The following NSG1 variants were observed in gnomAD, a reference collection of about 807,000 sequenced individuals.
The protein encoded by NSG1 is neuronal vesicle trafficking associated 1.
In NSG1, 9 loss-of-function variants were observed where a neutral mutation model predicts 19.3. That is an observed-to-expected ratio of 0.47 (90% CI 0.28 to 0.81). The LOEUF is 0.81. Among genes scored for constraint, NSG1 ranks in the 40% least tolerant of loss-of-function variants. The pLI, the probability that NSG1 is intolerant of heterozygous loss-of-function variation, is 0.11. For synonymous variants in NSG1, 104 were observed against 107.0 expected (o/e 0.97, Z 0.17); for missense variants, 236 against 242.4 (o/e 0.97, Z 0.18).
At chr4:4,390,743 G>A (rs1722948074) in intron 2 of NSG1, among the ~76,000 whole-genome samples, 1 of 152,232 alleles carries the variant, frequency 6.6e-6, no homozygotes, top group Non-Finnish European at 1.5e-5. Context: ...GAGTGATGAA[G>A]GCAGCGCCGC....
intron 3 of NSG1, among the ~76,000 whole-genome samples, chr4:4,401,502 C>T (rs1723545527): frequency 6.6e-6 from 1 of 152,158 alleles, no homozygotes; most frequent in African/African-American, 2.4e-5. Flanking sequence ...CTGCTGGACT[C>T]CCATTTCCCT....
intron 4 of NSG1, among the ~76,000 whole-genome samples, chr4:4,416,910 T>C (rs75167078): frequency 3.9e-5 from 6 of 152,328 alleles, no homozygotes; most frequent in African/African-American, 1.4e-4. Flanking sequence ...ATTTCATAAG[T>C]TGTTGTTTTC....
intron 3 of NSG1, among the ~76,000 whole-genome samples, chr4:4,406,467 C>T (rs933634720): frequency 1.3e-5 from 2 of 152,144 alleles, no homozygotes; most frequent in African/African-American, 4.8e-5. Context: ...TCTGGACCAC[C>T]CTGAGTGAGG....
chr4:4,410,227 GCT>G (rs927414721), intron 4 of NSG1, among the ~76,000 whole-genome samples: 5 of 152,330 alleles, frequency 3.3e-5, no homozygotes, highest in Admixed American at 2.6e-4. Context: ...CTGGTGCTGG[GCT>G]CTCTACAGGC....
chr4:4,400,793 C>T (rs1200176488), intron 3 of NSG1, among the ~76,000 whole-genome samples: 1 of 152,176 alleles, frequency 6.6e-6, no homozygotes, highest in Non-Finnish European at 1.5e-5. Context: ...GTGTTTATTG[C>T]TCATGGTTCC....
At chr4:4,388,181 G>T (rs547784490) in intron 2 of NSG1, among the ~76,000 whole-genome samples, 1 of 152,348 alleles carries the variant, frequency 6.6e-6, no homozygotes, top group East Asian at 1.9e-4. Context: ...GCCCCACCGA[G>T]GCGGGGGAGC....
intron 3 of NSG1, among the ~76,000 whole-genome samples, chr4:4,403,472 TTC>T (rs763942167): frequency 4.6e-5 from 7 of 152,208 alleles, no homozygotes; most frequent in Non-Finnish European, 1.0e-4. Context: ...CTCTGCTCTT[TTC>T]TCTGTCTTCA....
chr4:4,415,928 T>C, intron 4 of NSG1: 1 of 598,740 alleles, frequency 1.7e-6, no homozygotes. Flanking sequence ...GCTGCTGGTC[T>C]GAATGGGCTG....
At chr4:4,393,457 AC>A (rs1723097110) in intron 3 of NSG1, among the ~76,000 whole-genome samples, 1 of 152,298 alleles carries the variant, frequency 6.6e-6, no homozygotes, top group East Asian at 1.9e-4. Context: ...GTTGCCCAGA[AC>A]CTGAAGGCTC....
Position 4,418,557 on chromosome 4 carries a change from G to C in NSG1, c.*1122G>C, listed in dbSNP as rs1421755317. 3.3e-5 allele frequency: 5 copies of C among 149,658 alleles called. No homozygotes were observed. The highest frequency in any genetic ancestry group is 6.0e-5 in the Non-Finnish European group (4 of 66,286). The allele number at this position is 149,658 out of a possible 1,614,324, so 9.3% of individuals were successfully genotyped here. A position where few individuals can be genotyped will look rare whatever the true frequency, so the allele number is the denominator to read the frequency against. On this transcript the variant is annotated 3_prime_UTR_variant, in exon 5 of 5. Transcript: ENST00000621129. ...TTTATGTTTACAAAACTGCCAGTTA[G>C]ATGAACTAAGTGTGTAAAACAAATA...
rs1389798289 is a variant in NSG1, at chr4:4,417,153, G to A, written c.358-82G>A. ...CCTCCAAGCTCAGGGAAGGTGCTCA[G>A]TAACTGTTGGCTGCCAACTGGAGAC... On this transcript the variant is annotated intron_variant, in intron 4 of 4. Coordinates refer to ENST00000621129, the MANE Select transcript of NSG1 (RefSeq NM_014392.5). The A allele has an allele frequency of 3.4e-6, 4 of 1,189,726 alleles. No homozygotes were observed. The East Asian group carries it at 7.0e-5, about 21-fold the overall frequency. The allele number at this position is 1,189,726 out of a possible 1,614,324, so 73.7% of individuals were successfully genotyped here. A position where few individuals can be genotyped will look rare whatever the true frequency, so the allele number is the denominator to read the frequency against.
At chr4:4,394,975 G>T (rs1723178438) in intron 3 of NSG1, among the ~76,000 whole-genome samples, 1 of 152,266 alleles carries the variant, frequency 6.6e-6, no homozygotes, top group Admixed American at 6.5e-5. Context: ...GAGTGGCAGA[G>T]GCAGAGTAGG....
chr4:4,417,519 T>C lies in NSG1; in HGVS notation c.*84T>C. 1 of 1,297,034 alleles carries C rather than the reference T, an allele frequency of 7.7e-7. No individual in the cohort carries two copies. The highest frequency in any genetic ancestry group is 1.1e-6 in the Non-Finnish European group (1 of 907,904). The allele number at this position is 1,297,034 out of a possible 1,614,324, so 80.3% of individuals were successfully genotyped here. A position where few individuals can be genotyped will look rare whatever the true frequency, so the allele number is the denominator to read the frequency against. ...ACATTTCATTAAATATAATTACTGA[T>C]ACTTTAGAGGTTACTCATTTACGGT... On this transcript the variant is annotated 3_prime_UTR_variant, in exon 5 of 5. Coordinates refer to ENST00000621129, the MANE Select transcript of NSG1 (RefSeq NM_014392.5).
rs1560147744 is a variant in NSG1, at chr4:4,411,781, A to ACACAACACAACACAACACAAC, written c.357+2098_357+2099insCACAACACAACACAACACAAC. On this transcript the variant is annotated intron_variant, in intron 4 of 4. Coordinates refer to ENST00000621129, the MANE Select transcript of NSG1 (RefSeq NM_014392.5). ...AACAAAACAAAACAAAACAAAACAA[A>ACACAACACAACACAACACAAC]ACAAAACAAAACATTGCCTTCTTCC... 4.6e-4 allele frequency among the ~76,000 whole-genome samples: 59 copies of ACACAACACAACACAACACAAC among 129,024 alleles called. 2 individuals are homozygous for ACACAACACAACACAACACAAC. The highest frequency in any genetic ancestry group is 1.8e-3 in the African/African-American group (52 of 28,826). 84.6% of individuals were successfully genotyped at this position (129,024 alleles called of 152,430 possible).
At chr4:4,403,593 A>G (rs959401831) in intron 3 of NSG1, among the ~76,000 whole-genome samples, 2 of 152,134 alleles carry the variant, frequency 1.3e-5, no homozygotes, top group Non-Finnish European at 2.9e-5. Flanking sequence ...CCTCTTCTCA[A>G]GGTCCTTGAC....
chr4:4,402,990 T>C (rs1254523731), intron 3 of NSG1, among the ~76,000 whole-genome samples: 1 of 152,202 alleles, frequency 6.6e-6, no homozygotes, highest in Non-Finnish European at 1.5e-5. Context: ...GCAAACTAAA[T>C]CCACGTTCTG....
chr4:4,399,787 A>T (rs1723451771), intron 3 of NSG1, among the ~76,000 whole-genome samples: 1 of 152,242 alleles, frequency 6.6e-6, no homozygotes, highest in African/African-American at 2.4e-5. Flanking sequence ...ATGAAACTAG[A>T]TCATCAGGCA....
intron 3 of NSG1, among the ~76,000 whole-genome samples, chr4:4,402,371 ATTTTTTTTTTTTTTTTTTTTT>A (rs1161754574): frequency 1.9e-5 from 1 of 53,912 alleles, no homozygotes; most frequent in African/African-American, 6.1e-5. Context: ...ACGCCTGGTT[ATTTTTTTTTTTTTTTTTTTTT>A]TTTTTTTTTT....
At position 4,409,624 on chromosome 4, in the gene NSG1, C is replaced by G; in HGVS notation, c.298C>G (p.Leu100Val). The G allele has an allele frequency of 6.2e-7, 1 of 1,614,174 alleles. No homozygotes were observed. Among genetic ancestry groups the G allele is most frequent in the Non-Finnish European group, 8.5e-7 (1 of 1,180,034 alleles). ...ALAFLTCVVF[L>V]VVYKVYKYDR... ...GGCCTTCCTCACCTGCGTCGTCTTC[C>G]TGGTTGTCTACAAGGTGTACAAGTA... Residue 100 changes from leucine (L) to valine (V), a missense_variant, in exon 4 of 5, where the codon CTG becomes GTG. Coordinates refer to ENST00000621129, the MANE Select transcript of NSG1 (RefSeq NM_014392.5).
Sources: gnomAD v4.1 joint callset for allele counts (sites outside exome capture counted in the v4.1 genomes callset) on GRCh38, gnomAD v4.1.1 for gene constraint, MANE v1.5 for transcripts, NCBI Gene and HGNC (gene_info 2026-07-23, HGNC 2026-07-21) for gene names.